The following GAK variants were observed in gnomAD, a reference collection of about 807,000 sequenced individuals.
The protein encoded by GAK is cyclin-G-associated kinase.
GAK carries 79 observed loss-of-function variants against 143.9 expected under a neutral mutation model. The observed-to-expected ratio is 0.55, with a 90% CI of 0.46 to 0.66. The LOEUF (loss-of-function observed/expected upper bound fraction) is 0.66, where lower values mean the gene tolerates loss of function less well. Among genes scored for constraint, GAK ranks in the 30% least tolerant of loss-of-function variants. The pLI, the probability that GAK is intolerant of heterozygous loss-of-function variation, is 0.00. For synonymous variants in GAK, 881 were observed against 765.5 expected, an observed-to-expected ratio of 1.15 and a Z score of -2.49; for missense variants, 1,693 against 1,779.7, an observed-to-expected ratio of 0.95 and a Z score of 0.88.
chr4:914,502 GCC>G (rs1722696491), intron 1 of GAK, among the ~76,000 whole-genome samples: 2 of 64,008 alleles, frequency 3.1e-5, no homozygotes, highest in African/African-American at 1.3e-4. Flanking sequence ...AGCGTGCACG[GCC>G]CCACACACAC....
chr4:868,947 G>T (rs1008639763), intron 19 of GAK: 18 of 483,588 alleles, frequency 3.7e-5, no homozygotes, highest in Non-Finnish European at 6.1e-5. Context: ...CACCACTGAG[G>T]CATCAAACGC....
At chr4:906,697 G>A (rs921568541) in intron 4 of GAK, among the ~76,000 whole-genome samples, 5 of 152,056 alleles carry the variant, frequency 3.3e-5, no homozygotes, top group African/African-American at 1.2e-4. Flanking sequence ...GCTCTCTACA[G>A]AGCAGCCACC....
In GAK at chr4:849,430, G is replaced by A. The variant is rs1473856527; in HGVS notation, c.*243C>T. 3.6e-6 allele frequency: 2 copies of A among 556,738 alleles called. No homozygotes were observed. The highest frequency in any genetic ancestry group is 6.5e-6 in the Non-Finnish European group (2 of 309,386). 34.5% of individuals were successfully genotyped at this position (556,738 alleles called of 1,614,324 possible). A position where few individuals can be genotyped will look rare whatever the true frequency, so the allele number is the denominator to read the frequency against. On this transcript the variant is annotated 3_prime_UTR_variant, in exon 28 of 28. Coordinates refer to ENST00000314167, the MANE Select transcript of GAK (RefSeq NM_005255.4). ...GAAACACCAAATAAATCACAGACGT[G>A]ACAATTGCGGGAGGAGCATGAATCA... is the stretch of plus-strand genomic sequence containing the variant.
intron 5 of GAK, among the ~76,000 whole-genome samples, chr4:902,658 G>C (rs372636278): frequency 5.4e-5 from 8 of 147,720 alleles, no homozygotes; most frequent in African/African-American, 2.0e-4. Flanking sequence ...CGGAGGACGA[G>C]GCCCACCATG....
At chr4:913,773 G>A (rs1361298731) in intron 1 of GAK, 105 bp from the exon 2 acceptor site, 2 of 1,003,810 alleles carry the variant, frequency 2.0e-6, no homozygotes, top group Non-Finnish European at 3.1e-6. Context: ...TTGTGGCGTG[G>A]CCAGCAGTTT....
At chr4:908,289 A>G (rs1195847507) in intron 4 of GAK, among the ~76,000 whole-genome samples, 1 of 152,216 alleles carries the variant, frequency 6.6e-6, no homozygotes, top group Non-Finnish European at 1.5e-5. Flanking sequence ...GAAAGCCCGC[A>G]GGCCTCAAAC....
chr4:920,847 T>C (rs574885933), intron 1 of GAK, among the ~76,000 whole-genome samples: 1 of 152,224 alleles, frequency 6.6e-6, no homozygotes, highest in South Asian at 2.1e-4. Flanking sequence ...CGGCCCCAGA[T>C]ACTATTTTGT....
At chr4:894,157 G>T (rs1718265813) in intron 7 of GAK, 148 bp from the exon 8 acceptor site, 4 of 885,788 alleles carry the variant, frequency 4.5e-6, no homozygotes, top group Non-Finnish European at 4.8e-6. Flanking sequence ...TGACACTGGG[G>T]ACTGCAGGGA....
At chr4:865,943 C>T (rs967615042) in intron 22 of GAK, among the ~76,000 whole-genome samples, 9 of 152,272 alleles carry the variant, frequency 5.9e-5, no homozygotes, top group African/African-American at 1.7e-4. Flanking sequence ...CGGTGCCCCA[C>T]GGCCCCTGCT....
chr4:849,831 A>AGGT, intron 27 of GAK, 57 bp from the exon 28 acceptor site: 1 of 999,060 alleles, frequency 1.0e-6, no homozygotes, highest in Non-Finnish European at 1.4e-6. Flanking sequence ...CGGGCGGGGC[A>AGGT]GGACCCCCCC....
In GAK at chr4:923,669, C is replaced by T. The variant is rs371183313; in HGVS notation, c.145+8374G>A. Among the ~76,000 whole-genome samples, 136 of 150,982 alleles carry T rather than the reference C, an allele frequency of 9.0e-4. 2 individuals carry two copies. Among genetic ancestry groups the T allele is most frequent in the African/African-American group, 3.2e-3 (132 of 41,102 alleles). Reference sequence around the variant, plus strand: ...CAGCCTGGGCAACAAAGCAAGACCTCATCTCAAGGGCAGGGAGTGGAGGGG... The same window carrying T: ...CAGCCTGGGCAACAAAGCAAGACCTTATCTCAAGGGCAGGGAGTGGAGGGG... On this transcript the variant is annotated intron_variant, in intron 1 of 27. Transcript: ENST00000314167.
At chr4:896,121 G>A (rs1417310618) in intron 7 of GAK, among the ~76,000 whole-genome samples, 2 of 152,270 alleles carry the variant, frequency 1.3e-5, no homozygotes, top group East Asian at 1.9e-4. Context: ...AATAATAGCC[G>A]GGCATGGTGG....
At chr4:903,677 C>T (rs186607772) in intron 5 of GAK, among the ~76,000 whole-genome samples, 208 of 123,958 alleles carry the variant, frequency 1.7e-3, no homozygotes, top group African/African-American at 5.9e-3. Flanking sequence ...AGCAGGAGTG[C>T]GGGGCCTATA....
rs1366360383 is a variant in GAK at position 849,595 on chromosome 4, G to C, written c.*78C>G. On this transcript the variant is annotated 3_prime_UTR_variant, in exon 28 of 28. Transcript: ENST00000314167. The stretch of plus-strand genomic sequence containing the variant: ...GGCCACACCTGCTGTCGCCCACGGG[G>C]TCCTCACGGTGGGGACCCAGGTCCC... The C allele has an allele frequency of 9.5e-6, 11 of 1,153,130 alleles. 1 individual carries two copies. In the South Asian group the frequency reaches 1.0e-4, roughly 11 times the overall value. 71.4% of individuals were successfully genotyped at this position (1,153,130 alleles called of 1,614,324 possible).
At chr4:906,052 C>T (rs550996526) in intron 4 of GAK, among the ~76,000 whole-genome samples, 3 of 152,322 alleles carry the variant, frequency 2.0e-5, no homozygotes, top group East Asian at 1.9e-4. Flanking sequence ...ATGCCGTTAA[C>T]GTGAGAACCA....
intron 4 of GAK, among the ~76,000 whole-genome samples, chr4:905,778 G>A (rs542016043): frequency 1.3e-5 from 2 of 152,354 alleles, no homozygotes; most frequent in African/African-American, 2.4e-5. Context: ...CACCACACCA[G>A]GCCACGCTGC....
rs181168644 is a variant in GAK, at chr4:916,649, A to G, written c.146-2981T>C. Among the ~76,000 whole-genome samples the G allele has an allele frequency of 3.2e-4, 49 of 152,286 alleles. No homozygotes were observed. In the East Asian group the frequency reaches 5.4e-3, roughly 17 times the overall value. ...TGCAGACTTAAACCGCGAAGATAGGACCCCATACCTAGCAGAATACTTGAC... is the reference window on the plus strand; with the variant it reads ...TGCAGACTTAAACCGCGAAGATAGGGCCCCATACCTAGCAGAATACTTGAC... On this transcript the variant is annotated intron_variant, in intron 1 of 27. Coordinates refer to ENST00000314167, the MANE Select transcript of GAK (RefSeq NM_005255.4).
chr4:853,990 G>A (rs1011541956), intron 24 of GAK, among the ~76,000 whole-genome samples: 1 of 152,002 alleles, frequency 6.6e-6, no homozygotes, highest in African/African-American at 2.4e-5. Flanking sequence ...TAGAGACAGG[G>A]TTTCTCCATG....
rs748560933 is a variant in GAK, at chr4:921,205, C to T, written c.146-7537G>A. ...GTAGCCTCCGCCTCCCAGGTTCAAG[C>T]GATTCTCCTGCCTCAGTCTCCCCAG... On this transcript the variant is annotated intron_variant, in intron 1 of 27. Coordinates refer to ENST00000314167, the MANE Select transcript of GAK (RefSeq NM_005255.4). Among the ~76,000 whole-genome samples, 25 of 152,102 alleles carry T rather than the reference C, an allele frequency of 1.6e-4. 1 individual carries two copies. Among genetic ancestry groups the T allele is most frequent in the Admixed American group, 1.6e-3 (25 of 15,274 alleles).
Sources: gnomAD v4.1 joint callset for allele counts (sites outside exome capture counted in the v4.1 genomes callset) on GRCh38, gnomAD v4.1.1 for gene constraint, MANE v1.5 for transcripts, NCBI Gene and HGNC (gene_info 2026-07-23, HGNC 2026-07-21) for gene names.